TMEM116: variants seen among roughly 807,000 people sequenced by gnomAD.
The protein encoded by TMEM116 is transmembrane protein 116.
In TMEM116, 38 loss-of-function variants were observed where a neutral mutation model predicts 44.3. The observed-to-expected ratio is 0.86, with a 90% CI of 0.66 to 1.12. The LOEUF (loss-of-function observed/expected upper bound fraction) is 1.12, where lower values mean the gene tolerates loss of function less well. Ranked by LOEUF, TMEM116 falls within the 50% of genes most tolerant of loss-of-function variation. TMEM116 has a pLI of 0.00. For missense variants in TMEM116, 354 were observed against 401.7 expected, an observed-to-expected ratio of 0.88 and a Z score of 1.01; for synonymous variants, 132 against 144.8, an observed-to-expected ratio of 0.91 and a Z score of 0.64.
At chr12:111,965,812 T>A in intron 4 of TMEM116, 1 of 305,034 alleles carries the variant, frequency 3.3e-6, no homozygotes, top group Non-Finnish European at 6.5e-6. Flanking sequence ...GGCGTATGCC[T>A]GTAGTCCCAG....
intron 4 of TMEM116, among the ~76,000 whole-genome samples, chr12:111,983,453 CA>C (rs2076059391): frequency 6.7e-6 from 1 of 148,958 alleles, no homozygotes; most frequent in Non-Finnish European, 1.5e-5. Flanking sequence ...AAAAAAAACA[CA>C]AAAAAATTAG....
intron 9 of TMEM116, 73 bp downstream of exon 9, chr12:111,933,813 T>G: frequency 1.3e-6 from 2 of 1,580,828 alleles, no homozygotes; most frequent in Non-Finnish European, 1.7e-6. Flanking sequence ...TCCTTCTTAG[T>G]GAGACCACTT....
intron 4 of TMEM116, among the ~76,000 whole-genome samples, chr12:111,966,975 T>C (rs1188813240): frequency 6.6e-6 from 1 of 152,184 alleles, no homozygotes; most frequent in Non-Finnish European, 1.5e-5. Context: ...CTTTCCAAAC[T>C]ATGCAATAAA....
At chr12:111,978,243 T>C (rs2075772113) in intron 4 of TMEM116, among the ~76,000 whole-genome samples, 1 of 151,642 alleles carries the variant, frequency 6.6e-6, no homozygotes, top group African/African-American at 2.4e-5. Context: ...CTACTAAAAA[T>C]ACAAAAAGTT....
chr12:111,964,865 A>AT (rs1491526993), intron 4 of TMEM116, among the ~76,000 whole-genome samples: 3 of 151,480 alleles, frequency 2.0e-5, no homozygotes, highest in African/African-American at 4.9e-5. Flanking sequence ...TTTAAAAAAA[A>AT]TTTTTTTGTA....
chr12:111,934,105 TA>T (rs1812222853), intron 8 of TMEM116, 75 bp from the exon 9 acceptor site: 2 of 1,488,474 alleles, frequency 1.3e-6, no homozygotes, highest in African/African-American at 2.8e-5. Flanking sequence ...CCTATCATTT[TA>T]AAAAGATTAT....
At chr12:111,976,738 G>A (rs1228644774) in intron 4 of TMEM116, among the ~76,000 whole-genome samples, 4 of 152,018 alleles carry the variant, frequency 2.6e-5, no homozygotes, top group Non-Finnish European at 5.9e-5. Context: ...CAGACAACAT[G>A]TAAGAACAGA....
In TMEM116 at chr12:112,001,001, C is replaced by T. The variant is rs185534059; in HGVS notation, c.78+2799G>A. ...TAAAGGCCATGACCATCCAAGCTCC[C>T]GTGAGGTCCAACTGATTCCTCTCTG... is the stretch of plus-strand genomic sequence containing the variant. On this transcript the variant is annotated intron_variant, in intron 3 of 10. Coordinates refer to ENST00000552374, the MANE Select transcript of TMEM116 (RefSeq NM_001193531.2). 858 of 233,916 alleles carry T rather than the reference C, an allele frequency of 3.7e-3. 11 individuals are homozygous for T. The highest frequency in any genetic ancestry group is 0.017 in the African/African-American group (759 of 43,648). 14.5% of individuals were successfully genotyped at this position (233,916 alleles called of 1,614,324 possible).
intron 4 of TMEM116, among the ~76,000 whole-genome samples, chr12:111,960,391 C>CCT (rs766880395): frequency 5.5e-5 from 8 of 146,630 alleles, no homozygotes; most frequent in Non-Finnish European, 1.2e-4. Context: ...ACTTGGAAGG[C>CCT]TGAGGCAGGA....
chr12:111,933,496 T>A (rs991190509), intron 9 of TMEM116, among the ~76,000 whole-genome samples: 3 of 149,774 alleles, frequency 2.0e-5, no homozygotes, highest in Non-Finnish European at 4.5e-5. Context: ...CTTCTTTTTT[T>A]TTTTTTTTTT....
intron 4 of TMEM116, among the ~76,000 whole-genome samples, chr12:111,952,126 C>T (rs144449026): frequency 1.6e-3 from 236 of 151,948 alleles, no homozygotes; most frequent in African/African-American, 4.3e-3. Flanking sequence ...CTACTTGGGA[C>T]GCTGAGGCAG....
chr12:112,006,082 C>T, intron 1 of TMEM116: 1 of 583,972 alleles, frequency 1.7e-6, no homozygotes, highest in Non-Finnish European at 2.2e-6. Flanking sequence ...GTGGCTCCAC[C>T]CCTATCCCAG....
At chr12:112,004,983 G>A (rs2077500872) in intron 2 of TMEM116, among the ~76,000 whole-genome samples, 1 of 152,116 alleles carries the variant, frequency 6.6e-6, no homozygotes, top group Non-Finnish European at 1.5e-5. Context: ...TAGTATAGGT[G>A]CTGCTTAAGT....
chr12:111,957,518 C>T lies in TMEM116; in HGVS notation c.211-14149G>A, dbSNP rs921396338. On this transcript the variant is annotated intron_variant, in intron 4 of 10. Coordinates refer to ENST00000552374, the MANE Select transcript of TMEM116 (RefSeq NM_001193531.2). ...GGGGGGCAGCGCCCCCCTGGCCAGC[C>T]GCCCCGTCCGGGAGGTGGGGGGCAG... Among the ~76,000 whole-genome samples the T allele has an allele frequency of 1.8e-4, 28 of 151,646 alleles. No individual in the cohort carries two copies. The South Asian group carries it at 3.1e-3, about 17-fold the overall frequency.
intron 1 of TMEM116, among the ~76,000 whole-genome samples, chr12:112,008,201 G>A (rs996242577): frequency 6.6e-6 from 1 of 152,160 alleles, no homozygotes; most frequent in Non-Finnish European, 1.5e-5. Context: ...AGAAAAAAAA[G>A]GCTGGGCGCG....
Position 112,009,960 on chromosome 12 carries a change from A to C in TMEM116, c.-34+3042T>G, listed in dbSNP as rs1476010353. On this transcript the variant is annotated intron_variant, in intron 1 of 10. Coordinates refer to ENST00000552374, the MANE Select transcript of TMEM116 (RefSeq NM_001193531.2). ...AGTTATTTATACTGAGAAGTGAATA[A>C]TTTTAGAAGTTTAAATGTTTTATAA... Among the ~76,000 whole-genome samples the C allele has an allele frequency of 2.0e-5, 3 of 152,216 alleles. No homozygotes were observed. The East Asian group carries it at 5.8e-4, about 29-fold the overall frequency.
At chr12:111,960,695 T>C (rs1251662580) in intron 4 of TMEM116, among the ~76,000 whole-genome samples, 1 of 151,958 alleles carries the variant, frequency 6.6e-6, no homozygotes, top group African/African-American at 2.4e-5. Context: ...GAGGGAAATT[T>C]ATAGCACTAA....
At chr12:111,936,525 C>T in intron 8 of TMEM116, 167 bp downstream of exon 8, 1 of 651,834 alleles carries the variant, frequency 1.5e-6, no homozygotes, top group South Asian at 2.8e-5. Context: ...TGGGGAAGTG[C>T]AAAAGTCTGA....
intron 4 of TMEM116, among the ~76,000 whole-genome samples, chr12:111,963,386 T>G (rs543783932): frequency 6.6e-6 from 1 of 152,326 alleles, no homozygotes; most frequent in Non-Finnish European, 1.5e-5. Flanking sequence ...ATGTTTATTG[T>G]GGCACTATTC....
Sources: allele counts gnomAD v4.1 joint callset (sites outside exome capture counted in the v4.1 genomes callset), GRCh38; gene constraint gnomAD v4.1.1; transcripts MANE v1.5; gene names NCBI Gene and HGNC (gene_info 2026-07-23, HGNC 2026-07-21).